Variants in EIF2S1 observed in about 807,000 individuals in gnomAD.
The protein encoded by EIF2S1 is eukaryotic translation initiation factor 2 subunit 1.
Under a neutral mutation model 33.5 loss-of-function variants are expected in EIF2S1, and 5 were observed. That is an observed-to-expected ratio of 0.15 (90% CI 0.08 to 0.31). EIF2S1 has a LOEUF of 0.31. Ranked by LOEUF, EIF2S1 falls within the 10% of genes least tolerant of loss-of-function variation. The pLI is 1.00. For missense variants in EIF2S1, 191 were observed against 384.6 expected, an observed-to-expected ratio of 0.50 and a Z score of 4.21; for synonymous variants, 99 against 127.5, an observed-to-expected ratio of 0.78 and a Z score of 1.51.
At chr14:67,364,647 C>CT (rs2141127388) in intron 1 of EIF2S1, 120 bp from the exon 2 acceptor site, 1 of 1,023,084 alleles carries the variant, frequency 9.8e-7, no homozygotes, top group Non-Finnish European at 1.4e-6. Flanking sequence ...GATGAGAAGA[C>CT]TAAGACTAAT....
intron 3 of EIF2S1, 143 bp downstream of exon 3, chr14:67,374,690 GT>G: frequency 2.0e-6 from 1 of 500,742 alleles, no homozygotes; most frequent in Non-Finnish European, 3.3e-6. Flanking sequence ...TTTTGAAGCC[GT>G]TTTAGGTTAA....
chr14:67,378,144 G>A (rs2085867328), intron 4 of EIF2S1, among the ~76,000 whole-genome samples: 1 of 149,480 alleles, frequency 6.7e-6, no homozygotes, highest in African/African-American at 2.5e-5. Flanking sequence ...AAAAAAGCCA[G>A]ACTCTTTCAG....
At chr14:67,378,008 T>G (rs997236918) in intron 4 of EIF2S1, among the ~76,000 whole-genome samples, 2 of 151,770 alleles carry the variant, frequency 1.3e-5, no homozygotes, top group Non-Finnish European at 2.9e-5. Flanking sequence ...CCCAGCAACT[T>G]GGGAGGCTGA....
intron 4 of EIF2S1, among the ~76,000 whole-genome samples, chr14:67,377,696 T>C (rs892082523): frequency 4.6e-5 from 7 of 152,310 alleles, no homozygotes; most frequent in African/African-American, 1.4e-4. Context: ...TTTCCCTTTA[T>C]TGCTTTTACT....
In EIF2S1 at chr14:67,360,411, G is replaced by A. The variant is rs2085726775; in HGVS notation, c.-47G>A. 1 of 394,274 alleles carries A rather than the reference G, an allele frequency of 2.5e-6. No homozygotes were observed. The highest frequency in any genetic ancestry group is 1.4e-4 in the South Asian group (1 of 7,042). The allele number at this position is 394,274 out of a possible 1,614,324, so 24.4% of individuals were successfully genotyped here. ...AGCAAGTCTGGTCTCTGTGATTGAAGAAGTCGGCTCTGGGCTCCAGTGCGG... is the reference window on the plus strand; with the variant it reads ...AGCAAGTCTGGTCTCTGTGATTGAAAAAGTCGGCTCTGGGCTCCAGTGCGG... On this transcript the variant is annotated 5_prime_UTR_variant, in exon 1 of 8. Coordinates refer to ENST00000256383, the MANE Select transcript of EIF2S1 (RefSeq NM_004094.5).
intron 2 of EIF2S1, among the ~76,000 whole-genome samples, chr14:67,366,718 C>T (rs965189875): frequency 6.6e-6 from 1 of 152,134 alleles, no homozygotes; most frequent in Non-Finnish European, 1.5e-5. Context: ...CTAGACAAGC[C>T]TTTCAACGTA....
chr14:67,372,916 G>C (rs1006727845), intron 2 of EIF2S1, among the ~76,000 whole-genome samples: 1 of 152,096 alleles, frequency 6.6e-6, no homozygotes, highest in Non-Finnish European at 1.5e-5. Flanking sequence ...CACTTTGCCA[G>C]AGAAGATAAT....
chr14:67,371,586 C>CT (rs1323593624), intron 2 of EIF2S1, among the ~76,000 whole-genome samples: 2 of 152,156 alleles, frequency 1.3e-5, no homozygotes, highest in Admixed American at 6.5e-5. Context: ...TTAGTATACT[C>CT]TATTATTCCT....
At chr14:67,381,111 C>T (rs2085885670) in intron 5 of EIF2S1, among the ~76,000 whole-genome samples, 1 of 152,108 alleles carries the variant, frequency 6.6e-6, no homozygotes, top group Non-Finnish European at 1.5e-5. Context: ...CCTTTTCCAC[C>T]CAGTGTATCA....
intron 7 of EIF2S1, 150 bp downstream of exon 7, chr14:67,382,740 G>T (rs956932286): frequency 8.7e-6 from 7 of 807,718 alleles, no homozygotes; most frequent in East Asian, 2.6e-5. Context: ...GTCACCCCCC[G>T]TCCCCAGCCA....
chr14:67,362,035 T>C (rs2085746179), intron 1 of EIF2S1, among the ~76,000 whole-genome samples: 1 of 151,150 alleles, frequency 6.6e-6, no homozygotes, highest in Admixed American at 6.6e-5. Flanking sequence ...CTTTTTTCTT[T>C]TTTTTTTTGA....
chr14:67,364,622 TAAG>T (rs2085762182), intron 1 of EIF2S1, 142 bp from the exon 2 acceptor site: 3 of 776,518 alleles, frequency 3.9e-6, no homozygotes, highest in African/African-American at 1.8e-5. Flanking sequence ...TGGTACCACT[TAAG>T]AAGTTTCAAA....
intron 4 of EIF2S1, among the ~76,000 whole-genome samples, chr14:67,378,348 G>T (rs1001478524): frequency 7.4e-6 from 1 of 135,410 alleles, no homozygotes; most frequent in South Asian, 2.2e-4. Flanking sequence ...GGTATATCAC[G>T]TGGTAGAAAA....
rs765560349 is a variant in EIF2S1, at chr14:67,377,060, ATTAT to A, written c.473+473_473+476del. Among the ~76,000 whole-genome samples the A allele has an allele frequency of 3.1e-4, 47 of 152,260 alleles. 6 individuals carry two copies. The highest frequency in any genetic ancestry group is 2.7e-3 in the Admixed American group (41 of 15,292). On this transcript the variant is annotated intron_variant, in intron 4 of 7. Coordinates refer to ENST00000256383, the MANE Select transcript of EIF2S1 (RefSeq NM_004094.5). ...ATTCATCTAGCTCCCAGTTGGTCCT[ATTAT>A]TTGTCATCTTAATTCTGTATGTTAG...
chr14:67,363,662 A>G (rs1467251391), intron 1 of EIF2S1, among the ~76,000 whole-genome samples: 1 of 152,182 alleles, frequency 6.6e-6, no homozygotes, highest in Admixed American at 6.5e-5. Context: ...ACTAGGGAGA[A>G]AGTTGTACCA....
chr14:67,383,851 G>T lies in EIF2S1; in HGVS notation c.*411G>T. On this transcript the variant is annotated 3_prime_UTR_variant, in exon 8 of 8. Coordinates refer to ENST00000256383, the MANE Select transcript of EIF2S1 (RefSeq NM_004094.5). ...CAAGCAAACATCAAATAAATTTCTG[G>T]GATATTTAACTATAGGCTTCTTCCT... 1 of 237,166 alleles carries T rather than the reference G, an allele frequency of 4.2e-6. No homozygotes were observed. The highest frequency in any genetic ancestry group is 8.4e-6 in the Non-Finnish European group (1 of 118,584). 14.7% of individuals were successfully genotyped at this position (237,166 alleles called of 1,614,324 possible). A position where few individuals can be genotyped will look rare whatever the true frequency, so the allele number is the denominator to read the frequency against.
chr14:67,362,621 G>A (rs933123425), intron 1 of EIF2S1, among the ~76,000 whole-genome samples: 1 of 152,048 alleles, frequency 6.6e-6, no homozygotes, highest in Non-Finnish European at 1.5e-5. Flanking sequence ...GTTGTTCCCC[G>A]AGTTTACTAT....
intron 4 of EIF2S1, among the ~76,000 whole-genome samples, chr14:67,379,647 TC>T (rs1478890615): frequency 1.4e-5 from 2 of 140,528 alleles, no homozygotes; most frequent in East Asian, 2.4e-4. Context: ...TTTCTTTTTT[TC>T]TTTTTCTTTT....
At chr14:67,373,583 C>T (rs904958737) in intron 2 of EIF2S1, among the ~76,000 whole-genome samples, 1 of 152,210 alleles carries the variant, frequency 6.6e-6, no homozygotes, top group South Asian at 2.1e-4. Context: ...ACCACTGTTA[C>T]TCAGCATTGT....
Sources: gnomAD v4.1 joint callset for allele counts (sites outside exome capture counted in the v4.1 genomes callset) on GRCh38, gnomAD v4.1.1 for gene constraint, MANE v1.5 for transcripts, NCBI Gene and HGNC (gene_info 2026-07-23, HGNC 2026-07-21) for gene names.